The following CSMD1 variants were observed in gnomAD, a reference collection of about 807,000 sequenced individuals.
CSMD1 encodes CUB and sushi domain-containing protein 1.
In CSMD1, 213 loss-of-function variants were observed where a neutral mutation model predicts 417.5. The ratio of observed to expected loss-of-function variants is 0.51; its 90% CI spans 0.46 to 0.57. CSMD1 has a LOEUF of 0.57. CSMD1 is among the 20% of genes least tolerant of loss of function. The probability of loss-of-function intolerance (pLI) is 0.00; values close to 1 mark genes in which losing one functional copy is unlikely to be tolerated. For missense variants in CSMD1, 6,923 were observed against 4,529.7 expected, an observed-to-expected ratio of 1.53 and a Z score of -15.17; for synonymous variants, 2,862 against 1,736.8, an observed-to-expected ratio of 1.65 and a Z score of -16.11.
chr8:3,205,650 G>A (rs1410773431), intron 30 of CSMD1, 30 bp from the exon 31 acceptor site: 18 of 1,135,362 alleles, frequency 1.6e-5, no homozygotes, highest in South Asian at 2.7e-5. Context: ...AGAATTAGTC[G>A]CTGTGCAATA....
At chr8:4,436,147 A>T (rs1798137367) in intron 2 of CSMD1, among the ~76,000 whole-genome samples, 1 of 152,196 alleles carries the variant, frequency 6.6e-6, no homozygotes, top group Admixed American at 6.5e-5. Context: ...TAGAAGTCAT[A>T]GATATTGAGA....
intron 5 of CSMD1, among the ~76,000 whole-genome samples, chr8:3,839,354 ATAT>A (rs1221614298): frequency 4.1e-5 from 4 of 96,972 alleles, no homozygotes; most frequent in Non-Finnish European, 6.0e-5. Context: ...AGAATATATA[ATAT>A]TAATATATAC....
chr8:3,408,155 C>G lies in CSMD1; in HGVS notation c.1815G>C (p.Gly605=). The G allele has an allele frequency of 6.2e-7, 1 of 1,613,130 alleles. No homozygotes were observed. Among genetic ancestry groups the G allele is most frequent in the Non-Finnish European group, 8.5e-7 (1 of 1,179,454 alleles). The change falls in exon 14 of 70, where the codon GGG becomes GGC. Residue 605 remains glycine (G), a synonymous_variant. Transcript: ENST00000635120. ...TCAACCAGACACAGTTCATGTTGTTCCCATATTCCTCTGGATAATTTGGTG... is the reference window on the plus strand; with the variant it reads ...TCAACCAGACACAGTTCATGTTGTTGCCATATTCCTCTGGATAATTTGGTG... ...ILSPNYPEEY[G]NNMNCVWLII...
chr8:4,234,847 C>T (rs948054137), intron 3 of CSMD1, among the ~76,000 whole-genome samples: 1 of 152,088 alleles, frequency 6.6e-6, no homozygotes, highest in Non-Finnish European at 1.5e-5. Flanking sequence ...CTGTGGGCGC[C>T]TTCTTGCTCT....
Position 4,868,558 on chromosome 8 carries a change from C to A in CSMD1, c.85+125774G>T, listed in dbSNP as rs1431240990. ...GTGTTAGTGGGATCATTATTGTTAC[C>A]GTTATTATTAAAAAACCAATCATTT... On this transcript the variant is annotated intron_variant, in intron 1 of 69. Coordinates refer to ENST00000635120, the MANE Select transcript of CSMD1 (RefSeq NM_033225.6). 3.3e-5 allele frequency among the ~76,000 whole-genome samples: 5 copies of A among 151,948 alleles called. No homozygotes were observed. In the East Asian group the frequency reaches 7.7e-4, roughly 23 times the overall value.
intron 5 of CSMD1, among the ~76,000 whole-genome samples, chr8:3,825,904 C>G (rs900502713): frequency 1.3e-5 from 2 of 152,206 alleles, no homozygotes; most frequent in Non-Finnish European, 2.9e-5. Flanking sequence ...ATGACAAAAT[C>G]AGACATGCAG....
chr8:4,328,745 C>CA (rs1444729841), intron 3 of CSMD1, among the ~76,000 whole-genome samples: 2 of 152,024 alleles, frequency 1.3e-5, no homozygotes, highest in African/African-American at 2.4e-5. Flanking sequence ...CTTGTTTTAT[C>CA]AAAAAAGTTA....
At chr8:3,910,209 T>C (rs75085068) in intron 5 of CSMD1, among the ~76,000 whole-genome samples, 1 of 152,082 alleles carries the variant, frequency 6.6e-6, no homozygotes, top group South Asian at 2.1e-4. Flanking sequence ...GAAAACAATG[T>C]TCATGCAGTT....
At chr8:3,141,414 A>G (rs1818430970) in intron 41 of CSMD1, among the ~76,000 whole-genome samples, 1 of 152,176 alleles carries the variant, frequency 6.6e-6, no homozygotes. Flanking sequence ...CTCTGAAACA[A>G]AATTGATCAT....
chr8:4,946,537 A>C (rs1450043843), intron 1 of CSMD1, among the ~76,000 whole-genome samples: 1 of 152,124 alleles, frequency 6.6e-6, no homozygotes, highest in East Asian at 1.9e-4. Flanking sequence ...ACCAGGCCTG[A>C]AGCATGTCCT....
intron 3 of CSMD1, among the ~76,000 whole-genome samples, chr8:4,302,577 T>C (rs534672272): frequency 6.6e-6 from 1 of 152,276 alleles, no homozygotes; most frequent in East Asian, 1.9e-4. Flanking sequence ...CTCTCAACCC[T>C]ATACGATAAT....
chr8:4,025,797 G>T (rs1234305314), intron 4 of CSMD1, among the ~76,000 whole-genome samples: 1 of 152,140 alleles, frequency 6.6e-6, no homozygotes, highest in African/African-American at 2.4e-5. Context: ...AAGCAAAGGT[G>T]ACTGGCCTCT....
chr8:3,999,681 G>A (rs932665743), intron 4 of CSMD1, among the ~76,000 whole-genome samples: 9 of 152,142 alleles, frequency 5.9e-5, no homozygotes, highest in Admixed American at 1.3e-4. Context: ...CTACACACTA[G>A]GCATTCTCAT....
intron 1 of CSMD1, among the ~76,000 whole-genome samples, chr8:4,792,616 C>T (rs1386453943): frequency 2.0e-5 from 3 of 152,058 alleles, no homozygotes; most frequent in East Asian, 1.9e-4. Flanking sequence ...CTCTTATGGC[C>T]CTCTTTTAGA....
At chr8:4,117,824 G>C (rs571562304) in intron 3 of CSMD1, among the ~76,000 whole-genome samples, 1 of 151,938 alleles carries the variant, frequency 6.6e-6, no homozygotes, top group South Asian at 2.1e-4. Context: ...CACCTAGTTA[G>C]AACATCTCAC....
chr8:4,427,235 G>A (rs189016398), intron 2 of CSMD1, among the ~76,000 whole-genome samples: 21 of 152,290 alleles, frequency 1.4e-4, no homozygotes, highest in Admixed American at 5.2e-4. Context: ...CACACGCCGT[G>A]CCCTGAATGG....
intron 5 of CSMD1, among the ~76,000 whole-genome samples, chr8:3,779,237 G>A (rs904022103): frequency 2.0e-5 from 3 of 151,788 alleles, no homozygotes; most frequent in African/African-American, 7.3e-5. Context: ...ATGCCTTCTA[G>A]AAGGTGAGGA....
At chr8:3,217,542 G>C (rs550021290) in intron 29 of CSMD1, among the ~76,000 whole-genome samples, 43 of 152,162 alleles carry the variant, frequency 2.8e-4, no homozygotes, top group Admixed American at 2.0e-4. Context: ...TGTTGGGGGC[G>C]TGGGGGGCTA....
chr8:3,197,371 A>G (rs1796758068), intron 33 of CSMD1, among the ~76,000 whole-genome samples: 1 of 151,778 alleles, frequency 6.6e-6, no homozygotes, highest in African/African-American at 2.4e-5. Flanking sequence ...TCTGTGTGCA[A>G]TTTGAAGCTG....
Sources: allele counts gnomAD v4.1 joint callset (sites outside exome capture counted in the v4.1 genomes callset), GRCh38; gene constraint gnomAD v4.1.1; transcripts MANE v1.5; gene names NCBI Gene and HGNC (gene_info 2026-07-23, HGNC 2026-07-21).